MUSK: variants seen among roughly 807,000 people sequenced by gnomAD.
MUSK encodes the protein muscle, skeletal receptor tyrosine-protein kinase.
MUSK carries 55 observed loss-of-function variants against 88.7 expected under a neutral mutation model. The ratio of observed to expected loss-of-function variants is 0.62; its 90% confidence interval spans 0.50 to 0.78. The LOEUF is 0.78. MUSK is among the 30% of genes least tolerant of loss of function. MUSK has a pLI of 0.00. For synonymous variants in MUSK, 387 were observed against 391.9 expected (o/e 0.99, Z 0.15); for missense variants, 1,015 against 1,074.3 (o/e 0.94, Z 0.77).
chr9:110,742,412 C>T (rs541961057), intron 6 of MUSK, among the ~76,000 whole-genome samples: 15 of 152,146 alleles, frequency 9.9e-5, no homozygotes, highest in Non-Finnish European at 1.8e-4. Flanking sequence ...GCCAAGATTG[C>T]GCCACTGCAC....
At chr9:110,764,638 G>GATA (rs56104370) in intron 8 of MUSK, among the ~76,000 whole-genome samples, 42,951 of 148,318 alleles carry the variant, frequency 0.29, 7,114 homozygotes, top group Non-Finnish European at 0.38. Context: ...TAGATAGATA[G>GATA]GTAGGTAGAT....
At chr9:110,791,157 C>A (rs999753172) in intron 14 of MUSK, among the ~76,000 whole-genome samples, 1 of 151,604 alleles carries the variant, frequency 6.6e-6, no homozygotes, top group Non-Finnish European at 1.5e-5. Flanking sequence ...CCAGCGTGAG[C>A]GACGCAGAAG....
rs141082473 is a variant in MUSK at position 110,710,233 on chromosome 9, G to A, written c.628+12767G>A. ...ATGCTTTAGTATCAGACAGACCTGG[G>A]TGTTAATCCTGACTGTGCTGCTTAC... On this transcript the variant is annotated intron_variant, in intron 5 of 14. Transcript: ENST00000374448. Among the ~76,000 whole-genome samples the A allele has an allele frequency of 2.5e-4, 38 of 152,218 alleles. No individual in the cohort carries two copies. In the East Asian group the frequency reaches 6.6e-3, roughly 26 times the overall value.
chr9:110,689,314 T>C (rs1451640278), intron 3 of MUSK, among the ~76,000 whole-genome samples: 1 of 117,280 alleles, frequency 8.5e-6, no homozygotes, highest in African/African-American at 3.5e-5. Flanking sequence ...TATATTTAAA[T>C]ATATATTAAA....
intron 4 of MUSK, 125 bp from the exon 5 acceptor site, chr9:110,697,200 C>A: frequency 1.0e-6 from 1 of 978,200 alleles, no homozygotes; most frequent in Non-Finnish European, 1.5e-6. Context: ...AATAAGTGGC[C>A]AATAAAGGTC....
At chr9:110,732,221 C>A (rs2076974304) in intron 5 of MUSK, among the ~76,000 whole-genome samples, 1 of 151,862 alleles carries the variant, frequency 6.6e-6, no homozygotes, top group African/African-American at 2.4e-5. Context: ...GCAGTGGGAT[C>A]CATAGATGGT....
rs2078153939 is a variant in MUSK, at chr9:110,805,808, C to G, written c.*4820C>G. Among the ~76,000 whole-genome samples, 2 of 147,712 alleles carry G rather than the reference C, an allele frequency of 1.4e-5. No homozygotes were observed. Among genetic ancestry groups the G allele is most frequent in the South Asian group, 4.4e-4 (2 of 4,592 alleles). On this transcript the variant is annotated 3_prime_UTR_variant, in exon 15 of 15. Transcript: ENST00000374448. ...ATCATATCAATCTTCTACTTAACTA[C>G]CAAATTAATTTACATATATTTGCAT... is the stretch of plus-strand genomic sequence containing the variant.
chr9:110,716,131 T>C (rs1167123327), intron 5 of MUSK, among the ~76,000 whole-genome samples: 1 of 149,470 alleles, frequency 6.7e-6, no homozygotes, highest in Non-Finnish European at 1.5e-5. Context: ...GAACTTAAAA[T>C]AGAAGTTGGG....
At chr9:110,740,961 A>C (rs2077089469) in intron 6 of MUSK, among the ~76,000 whole-genome samples, 1 of 152,164 alleles carries the variant, frequency 6.6e-6, no homozygotes, top group Non-Finnish European at 1.5e-5. Context: ...GAAGCACAGA[A>C]TAGAATAGTG....
chr9:110,742,913 C>T (rs184357175), intron 6 of MUSK, among the ~76,000 whole-genome samples: 3 of 152,276 alleles, frequency 2.0e-5, no homozygotes, highest in South Asian at 2.1e-4. Context: ...TCCACATTGA[C>T]GCAAATCACA....
At chr9:110,735,548 TGGGAAAGGTA>T (rs1303074590) in intron 6 of MUSK, among the ~76,000 whole-genome samples, 2 of 151,944 alleles carry the variant, frequency 1.3e-5, no homozygotes, top group African/African-American at 4.8e-5. Context: ...TATCAGAGGC[TGGGAAAGGTA>T]GTGGGGAAGG....
chr9:110,782,338 C>A (rs963241430), intron 11 of MUSK, among the ~76,000 whole-genome samples: 4 of 152,192 alleles, frequency 2.6e-5, no homozygotes, highest in Non-Finnish European at 5.9e-5. Flanking sequence ...CAGAAGCAGT[C>A]ATCAAGGAAT....
intron 4 of MUSK, among the ~76,000 whole-genome samples, chr9:110,696,516 A>G (rs1446208301): frequency 6.6e-6 from 1 of 152,174 alleles, no homozygotes; most frequent in South Asian, 2.1e-4. Context: ...GCTTTGCTTT[A>G]TTTAAAATAA....
chr9:110,805,144 C>T lies in MUSK; in HGVS notation c.*4156C>T, dbSNP rs932022744. Among the ~76,000 whole-genome samples the T allele has an allele frequency of 6.6e-6, 1 of 151,744 alleles. No individual in the cohort carries two copies. The highest frequency in any genetic ancestry group is 6.6e-5 in the Admixed American group (1 of 15,226). ...TTATAAAATGTAATGTTTGGATCAT[C>T]CTGTTGCTAAATTTTGTAAGCATTT... On this transcript the variant is annotated 3_prime_UTR_variant, in exon 15 of 15. Transcript: ENST00000374448.
rs538723944 is a variant in MUSK at position 110,668,880 on chromosome 9, C to G, written c.-25C>G. On this transcript the variant is annotated 5_prime_UTR_variant, in exon 1 of 15. Coordinates refer to ENST00000374448, the MANE Select transcript of MUSK (RefSeq NM_005592.4). ...TCCTTGCGTTGTCCAGAAGGAACTT[C>G]GTCCTGCGTGAGCCTGGATTAATCA... The G allele has an allele frequency of 1.3e-6, 2 of 1,595,586 alleles. No individual in the cohort carries two copies. Among genetic ancestry groups the G allele is most frequent in the African/African-American group, 1.3e-5 (1 of 74,490 alleles).
chr9:110,734,487 C>G (rs1410985666), intron 6 of MUSK, 112 bp downstream of exon 6: 4 of 1,362,598 alleles, frequency 2.9e-6, no homozygotes, highest in Non-Finnish European at 4.0e-6. Flanking sequence ...CTCACCTACA[C>G]CACTTTTCAA....
intron 5 of MUSK, among the ~76,000 whole-genome samples, chr9:110,710,700 C>G (rs1416830273): frequency 6.6e-6 from 1 of 151,384 alleles, no homozygotes; most frequent in East Asian, 1.9e-4. Context: ...TAATGGCTAA[C>G]AGGAGAGAGG....
intron 5 of MUSK, among the ~76,000 whole-genome samples, chr9:110,709,926 C>T (rs7034282): frequency 0.037 from 5,646 of 152,114 alleles, 353 homozygotes; most frequent in African/African-American, 0.13. Flanking sequence ...AGGAGGATTG[C>T]TTGAGGCCAG....
At chr9:110,766,098 T>C (rs2077479589) in intron 8 of MUSK, among the ~76,000 whole-genome samples, 1 of 152,124 alleles carries the variant, frequency 6.6e-6, no homozygotes, top group South Asian at 2.1e-4. Context: ...GGCCAGGTGT[T>C]ACACAGAAAA....
Sources: allele counts gnomAD v4.1 joint callset (sites outside exome capture counted in the v4.1 genomes callset), GRCh38; gene constraint gnomAD v4.1.1; transcripts MANE v1.5; gene names NCBI Gene and HGNC (gene_info 2026-07-23, HGNC 2026-07-21).